CHST11: variants seen among roughly 807,000 people sequenced by gnomAD.
CHST11 encodes C4S-1.
A neutral mutation model predicts 30.4 loss-of-function variants in CHST11; 9 were observed. The ratio of observed to expected loss-of-function variants is 0.30; its 90% CI spans 0.18 to 0.52. The LOEUF (loss-of-function observed/expected upper bound fraction) is 0.52. Among genes scored for constraint, CHST11 ranks in the 20% least tolerant of loss-of-function variants. CHST11 has a pLI of 0.97. For synonymous variants in CHST11, 152 were observed against 187.8 expected, an observed-to-expected ratio of 0.81 and a Z score of 1.56; for missense variants, 348 against 460.6, an observed-to-expected ratio of 0.76 and a Z score of 2.24.
intron 2 of CHST11, among the ~76,000 whole-genome samples, chr12:104,737,340 TG>T (rs1259837260): frequency 6.6e-6 from 1 of 152,244 alleles, no homozygotes; most frequent in Non-Finnish European, 1.5e-5. Context: ...GGGTGGAACC[TG>T]GGCCTCACCA....
In CHST11 at chr12:104,477,859, C is replaced by A. The variant is rs530693106; in HGVS notation, c.118+20330C>A. 9.2e-5 allele frequency among the ~76,000 whole-genome samples: 14 copies of A among 152,308 alleles called. No homozygotes were observed. In the East Asian group the frequency reaches 2.7e-3, roughly 29 times the overall value. On this transcript the variant is annotated intron_variant, in intron 1 of 2. Transcript: ENST00000303694. Reference sequence around the variant, plus strand: ...CAATTGCTCTGCAGTTGGAAAGACACAATGATAGCTCTAGGAGGCATTGTG... The same window carrying A: ...CAATTGCTCTGCAGTTGGAAAGACAAAATGATAGCTCTAGGAGGCATTGTG...
At chr12:104,474,177 A>T (rs1381926508) in intron 1 of CHST11, among the ~76,000 whole-genome samples, 1 of 152,192 alleles carries the variant, frequency 6.6e-6, no homozygotes, top group African/African-American at 2.4e-5. Flanking sequence ...TGGAATGGGG[A>T]TTATTTTGCA....
intron 1 of CHST11, among the ~76,000 whole-genome samples, chr12:104,572,073 C>T (rs1411125683): frequency 0.017 from 1,803 of 106,900 alleles, no homozygotes; most frequent in African/African-American, 0.035. Flanking sequence ...CCCACTTGAT[C>T]ATGGTGGATA....
chr12:104,574,874 A>T (rs1483690698), intron 1 of CHST11, among the ~76,000 whole-genome samples: 1 of 151,752 alleles, frequency 6.6e-6, no homozygotes, highest in Non-Finnish European at 1.5e-5. Flanking sequence ...AAAAGAAAAA[A>T]AGAAAGAAAA....
intron 1 of CHST11, among the ~76,000 whole-genome samples, chr12:104,514,959 C>T (rs993580183): frequency 6.6e-6 from 1 of 152,060 alleles, no homozygotes; most frequent in Non-Finnish European, 1.5e-5. Flanking sequence ...CTGTTAGGGT[C>T]GTTCTGAGGA....
intron 1 of CHST11, among the ~76,000 whole-genome samples, chr12:104,497,133 C>T (rs888120351): frequency 2.0e-5 from 3 of 152,200 alleles, no homozygotes; most frequent in African/African-American, 7.2e-5. Flanking sequence ...TTGTTTGCTG[C>T]AGGCTTAATT....
chr12:104,629,004 G>A (rs1426634952), intron 2 of CHST11, among the ~76,000 whole-genome samples: 1 of 152,216 alleles, frequency 6.6e-6, no homozygotes, highest in Non-Finnish European at 1.5e-5. Context: ...GCCTCAGGGT[G>A]AGGATAACGG....
chr12:104,489,699 G>C (rs1476386374), intron 1 of CHST11, among the ~76,000 whole-genome samples: 2 of 151,908 alleles, frequency 1.3e-5, no homozygotes, highest in African/African-American at 4.8e-5. Context: ...TCTTGACTTT[G>C]TGATCTACCC....
At chr12:104,617,247 G>T (rs1378024571) in intron 2 of CHST11, among the ~76,000 whole-genome samples, 1 of 152,184 alleles carries the variant, frequency 6.6e-6, no homozygotes, top group Non-Finnish European at 1.5e-5. Flanking sequence ...TGGGGCTAGA[G>T]GATAGGGTCC....
At chr12:104,588,761 C>T (rs1247896716) in intron 1 of CHST11, 1 of 152,578 alleles carries the variant, frequency 6.6e-6, no homozygotes. Flanking sequence ...CCAACCTGCT[C>T]ACCAGCAGCC....
At chr12:104,525,919 C>CGTTT (rs1565974865) in intron 1 of CHST11, among the ~76,000 whole-genome samples, 1 of 104,916 alleles carries the variant, frequency 9.5e-6, no homozygotes, top group Non-Finnish European at 1.8e-5. Flanking sequence ...TGGTGGGAAA[C>CGTTT]GTTTGTATGT....
At position 104,458,456 on chromosome 12, in the gene CHST11, G is replaced by A. The variant is rs559694895; in HGVS notation, c.118+927G>A. Among the ~76,000 whole-genome samples, 9 of 152,186 alleles carry A rather than the reference G, an allele frequency of 5.9e-5. No homozygotes were observed. Among genetic ancestry groups the A allele is most frequent in the Non-Finnish European group, 1.0e-4 (7 of 68,024 alleles). ...CCGAAATCTGGACTGGGGGAGGGAC[G>A]AGGCTCGTCGCTTCCTAGGGGTGCG... On this transcript the variant is annotated intron_variant, in intron 1 of 2. Coordinates refer to ENST00000303694, the MANE Select transcript of CHST11 (RefSeq NM_018413.6). This position sits in a 1 kb window ranked among gnomAD's most constrained non-coding sequence, Gnocchi z 5.7.
intron 1 of CHST11, among the ~76,000 whole-genome samples, chr12:104,534,195 C>G (rs1439405926): frequency 6.6e-6 from 1 of 152,050 alleles, no homozygotes; most frequent in Non-Finnish European, 1.5e-5. Flanking sequence ...TGACATATTT[C>G]AGCGATAAAT....
intron 2 of CHST11, among the ~76,000 whole-genome samples, chr12:104,705,166 C>G (rs989178123): frequency 2.6e-5 from 4 of 152,128 alleles, no homozygotes; most frequent in Admixed American, 2.0e-4. Flanking sequence ...ACGGAGCCTG[C>G]TTTTGGGAAG....
At chr12:104,672,816 C>G (rs906461045) in intron 2 of CHST11, among the ~76,000 whole-genome samples, 3 of 152,238 alleles carry the variant, frequency 2.0e-5, no homozygotes, top group Non-Finnish European at 1.5e-5. Context: ...CATGGCACCT[C>G]TGTTCTCCTG....
intron 1 of CHST11, among the ~76,000 whole-genome samples, chr12:104,467,856 T>C (rs138171549): frequency 6.6e-6 from 1 of 152,342 alleles, no homozygotes; most frequent in East Asian, 1.9e-4. Context: ...ACCTTTAATA[T>C]CATTGCATAA....
chr12:104,468,725 G>C (rs1323426879), intron 1 of CHST11, among the ~76,000 whole-genome samples: 1 of 152,202 alleles, frequency 6.6e-6, no homozygotes, highest in Non-Finnish European at 1.5e-5. Flanking sequence ...CATGACTTGG[G>C]CAAGTGCCTG....
At chr12:104,487,156 A>G (rs1424914851) in intron 1 of CHST11, among the ~76,000 whole-genome samples, 1 of 152,226 alleles carries the variant, frequency 6.6e-6, no homozygotes, top group African/African-American at 2.4e-5. Flanking sequence ...CTTGCTTGTA[A>G]TAACCCCGTT....
intron 2 of CHST11, among the ~76,000 whole-genome samples, chr12:104,713,519 A>G (rs959877658): frequency 1.3e-5 from 2 of 152,200 alleles, no homozygotes; most frequent in African/African-American, 4.8e-5. Context: ...ACGGCTCTGT[A>G]TGAAGATAAA....
Sources: allele counts gnomAD v4.1 joint callset (sites outside exome capture counted in the v4.1 genomes callset), GRCh38; gene constraint gnomAD v4.1.1; non-coding constraint Gnocchi (gnomAD v3.1); transcripts MANE v1.5; gene names NCBI Gene and HGNC (gene_info 2026-07-23, HGNC 2026-07-21).